The following PTPRK variants were observed in gnomAD, a reference collection of about 807,000 sequenced individuals.
PTPRK encodes protein tyrosine phosphatase receptor type K, also known as receptor-type tyrosine-protein phosphatase kappa.
A neutral mutation model predicts 178.0 loss-of-function variants in PTPRK; 75 were observed. The ratio of observed to expected loss-of-function variants is 0.42; its 90% CI spans 0.35 to 0.51. The LOEUF is 0.51. Among genes scored for constraint, PTPRK ranks in the 20% least tolerant of loss-of-function variants. The pLI is 0.02. For missense variants in PTPRK, 1,441 were observed against 1,797.8 expected (o/e 0.80, Z 3.59); for synonymous variants, 637 against 620.6 (o/e 1.03, Z -0.39).
chr6:128,328,843 TAGTA>T (rs1380067197), intron 2 of PTPRK, among the ~76,000 whole-genome samples: 33 of 152,170 alleles, frequency 2.2e-4, no homozygotes, highest in Admixed American at 6.5e-5. Context: ...ACAAAAAAGA[TAGTA>T]AGAAGTAATA....
At chr6:128,467,396 T>C (rs557499836) in intron 1 of PTPRK, among the ~76,000 whole-genome samples, 1 of 152,168 alleles carries the variant, frequency 6.6e-6, no homozygotes, top group Non-Finnish European at 1.5e-5. Flanking sequence ...TGCACATAGA[T>C]GAGAATTCTA....
At chr6:128,093,180 T>G (rs1020687886) in intron 7 of PTPRK, among the ~76,000 whole-genome samples, 2 of 152,234 alleles carry the variant, frequency 1.3e-5, no homozygotes, top group Admixed American at 1.3e-4. Context: ...AAATCTTTAT[T>G]GGGTATTCCA....
chr6:128,407,036 T>A (rs987103186), intron 1 of PTPRK, among the ~76,000 whole-genome samples: 1 of 152,200 alleles, frequency 6.6e-6, no homozygotes, highest in African/African-American at 2.4e-5. Flanking sequence ...AAGAAACTAT[T>A]TGGACTCCCT....
chr6:128,187,949 A>G (rs542448298), intron 6 of PTPRK, among the ~76,000 whole-genome samples: 1 of 152,294 alleles, frequency 6.6e-6, no homozygotes, highest in South Asian at 2.1e-4. Flanking sequence ...GGGCTTATTT[A>G]TAAAATTTCT....
intron 2 of PTPRK, among the ~76,000 whole-genome samples, chr6:128,382,263 T>C (rs1838041314): frequency 6.6e-6 from 1 of 151,766 alleles, no homozygotes; most frequent in East Asian, 1.9e-4. Flanking sequence ...GGAGATTCTG[T>C]GTGTAAAAAT....
rs1583112817 is a variant in PTPRK, at chr6:128,124,080, G to A, written c.1163-34088C>T. 6.9e-5 allele frequency among the ~76,000 whole-genome samples: 10 copies of A among 145,580 alleles called. No homozygotes were observed. In the South Asian group the frequency reaches 2.2e-3, roughly 31 times the overall value. On this transcript the variant is annotated intron_variant, in intron 7 of 29. Coordinates refer to ENST00000368226, the MANE Select transcript of PTPRK (RefSeq NM_002844.4). ...TTTCCTTGAGACAGAGTCTCAGTCT[G>A]TCACCCAGGCTGAAGTTCAGTGGCA...
intron 1 of PTPRK, among the ~76,000 whole-genome samples, chr6:128,419,098 G>A (rs1227448973): frequency 6.6e-6 from 1 of 152,204 alleles, no homozygotes; most frequent in African/African-American, 2.4e-5. Context: ...TAACACCAAA[G>A]CTATTCTGTT....
chr6:128,029,287 C>A (rs1277102790), intron 13 of PTPRK, among the ~76,000 whole-genome samples: 1 of 152,064 alleles, frequency 6.6e-6, no homozygotes, highest in Non-Finnish European at 1.5e-5. Flanking sequence ...AGGCCCTCAC[C>A]AGAAGCAGAT....
At chr6:128,307,184 T>C (rs1826532532) in intron 3 of PTPRK, among the ~76,000 whole-genome samples, 1 of 149,272 alleles carries the variant, frequency 6.7e-6, no homozygotes, top group African/African-American at 2.5e-5. Context: ...TATATGGATA[T>C]ATACATACAC....
chr6:128,249,643 C>T (rs1278675955), intron 3 of PTPRK, among the ~76,000 whole-genome samples: 2 of 152,008 alleles, frequency 1.3e-5, no homozygotes, highest in East Asian at 1.9e-4. Flanking sequence ...AGAGGTGTGA[C>T]CTTTGGAAGT....
chr6:128,102,551 TC>T (rs1367906380), intron 7 of PTPRK, among the ~76,000 whole-genome samples: 2 of 152,172 alleles, frequency 1.3e-5, no homozygotes, highest in African/African-American at 2.4e-5. Flanking sequence ...CAGAAAATCT[TC>T]CCTGCCATTT....
chr6:128,298,367 T>C (rs1824888054), intron 3 of PTPRK, among the ~76,000 whole-genome samples: 1 of 151,686 alleles, frequency 6.6e-6, no homozygotes, highest in African/African-American at 2.4e-5. Context: ...GAATCCTCTG[T>C]AGCTCATTTT....
intron 5 of PTPRK, among the ~76,000 whole-genome samples, chr6:128,233,721 C>A (rs780841497): frequency 6.6e-6 from 1 of 152,152 alleles, no homozygotes; most frequent in South Asian, 2.1e-4. Flanking sequence ...CCAGCACCTG[C>A]GGCGATTACT....
intron 1 of PTPRK, among the ~76,000 whole-genome samples, chr6:128,454,531 T>C (rs1200831560): frequency 1.3e-5 from 2 of 152,222 alleles, no homozygotes; most frequent in Non-Finnish European, 2.9e-5. Flanking sequence ...AAATTCATCA[T>C]TTTCAAGTGT....
intron 6 of PTPRK, among the ~76,000 whole-genome samples, chr6:128,189,334 G>T (rs1803349956): frequency 6.7e-6 from 1 of 149,168 alleles, no homozygotes; most frequent in Admixed American, 6.7e-5. Context: ...CTGCCTCCCG[G>T]GTTCAAGCTA....
intron 1 of PTPRK, among the ~76,000 whole-genome samples, chr6:128,488,491 G>A (rs933954427): frequency 1.6e-4 from 25 of 152,154 alleles, no homozygotes; most frequent in African/African-American, 4.6e-4. Context: ...GCTGTTATCA[G>A]AATGGAGAAT....
At chr6:128,347,806 C>T (rs1326461142) in intron 2 of PTPRK, among the ~76,000 whole-genome samples, 1 of 152,008 alleles carries the variant, frequency 6.6e-6, no homozygotes, top group Non-Finnish European at 1.5e-5. Context: ...CTAAAAATTT[C>T]CCACATTTTA....
intron 1 of PTPRK, among the ~76,000 whole-genome samples, chr6:128,486,113 C>T (rs1355523676): frequency 6.6e-6 from 1 of 151,898 alleles, no homozygotes; most frequent in Non-Finnish European, 1.5e-5. Flanking sequence ...AATTAACCCA[C>T]AGAATACTAC....
chr6:128,276,686 A>C (rs1174921667), intron 3 of PTPRK, among the ~76,000 whole-genome samples: 1 of 152,120 alleles, frequency 6.6e-6, no homozygotes, highest in Non-Finnish European at 1.5e-5. Flanking sequence ...GTCTCTGTAG[A>C]TCTGGCTTGA....
Sources: allele counts gnomAD v4.1 joint callset (sites outside exome capture counted in the v4.1 genomes callset), GRCh38; gene constraint gnomAD v4.1.1; transcripts MANE v1.5; gene names NCBI Gene and HGNC (gene_info 2026-07-23, HGNC 2026-07-21).